Variants in XPO7 observed in about 807,000 individuals in gnomAD.
XPO7 encodes the protein exportin-7.
A neutral mutation model predicts 144.3 loss-of-function variants in XPO7; 21 were observed. The ratio of observed to expected loss-of-function variants is 0.15; its 90% CI spans 0.10 to 0.21. XPO7 has a LOEUF of 0.21. Among genes scored for constraint, XPO7 ranks in the 10% least tolerant of loss-of-function variants. The pLI, the probability that XPO7 is intolerant of heterozygous loss-of-function variation, is 1.00. For missense variants in XPO7, 808 were observed against 1,325.8 expected (o/e 0.61, Z 6.06); for synonymous variants, 580 against 499.6 (o/e 1.16, Z -2.15).
chr8:21,938,804 A>G (rs1810899599), intron 1 of XPO7, among the ~76,000 whole-genome samples: 1 of 152,186 alleles, frequency 6.6e-6, no homozygotes, highest in South Asian at 2.1e-4. Flanking sequence ...TAGAGAACTC[A>G]TGGAGCACTG....
At chr8:21,923,880 T>A (rs980885915) in intron 1 of XPO7, among the ~76,000 whole-genome samples, 7 of 152,246 alleles carry the variant, frequency 4.6e-5, no homozygotes, top group Non-Finnish European at 1.0e-4. Flanking sequence ...GTACAACTAC[T>A]GAGGCTACTT....
At chr8:21,945,773 T>C (rs1811171277) in intron 1 of XPO7, among the ~76,000 whole-genome samples, 1 of 152,242 alleles carries the variant, frequency 6.6e-6, no homozygotes, top group African/African-American at 2.4e-5. Flanking sequence ...AAGTAGATCC[T>C]CTTTAAATTT....
intron 1 of XPO7, among the ~76,000 whole-genome samples, chr8:21,939,501 GT>G (rs1256492203): frequency 6.6e-6 from 1 of 152,174 alleles, no homozygotes; most frequent in African/African-American, 2.4e-5. Context: ...GATTACAGGT[GT>G]GAGCCACCGC....
chr8:21,947,306 G>A (rs939041404), intron 1 of XPO7, among the ~76,000 whole-genome samples: 1 of 152,014 alleles, frequency 6.6e-6, no homozygotes, highest in African/African-American at 2.4e-5. Flanking sequence ...CTTTTTTTTA[G>A]AATATGTGAT....
Position 21,962,941 on chromosome 8 carries a change from T to G in XPO7, c.19-3916T>G, listed in dbSNP as rs183291299. On this transcript the variant is annotated intron_variant, in intron 1 of 27. Coordinates refer to ENST00000252512, the MANE Select transcript of XPO7 (RefSeq NM_015024.5). ...TCTAGGTCCTTAAAATGGTTCATTTTCTGGCAAGGTTCAGTATAAATATTT... is the reference window on the plus strand; with the variant it reads ...TCTAGGTCCTTAAAATGGTTCATTTGCTGGCAAGGTTCAGTATAAATATTT... Among the ~76,000 whole-genome samples the G allele has an allele frequency of 3.2e-3, 493 of 152,344 alleles. 1 individual carries two copies. The highest frequency in any genetic ancestry group is 4.0e-3 in the Non-Finnish European group (272 of 68,032).
chr8:21,972,496 C>G (rs943539391), intron 5 of XPO7, among the ~76,000 whole-genome samples: 18 of 152,168 alleles, frequency 1.2e-4, no homozygotes, highest in African/African-American at 4.1e-4. Context: ...CAAAATACTA[C>G]TGCCTTGCCC....
At chr8:22,004,543 A>G (rs1260375368) in intron 27 of XPO7, among the ~76,000 whole-genome samples, 1 of 152,242 alleles carries the variant, frequency 6.6e-6, no homozygotes, top group Admixed American at 6.5e-5. Flanking sequence ...TTTAAAATTA[A>G]GATGCAGTTG....
chr8:21,956,581 T>C (rs1315897090), intron 1 of XPO7, among the ~76,000 whole-genome samples: 2 of 152,228 alleles, frequency 1.3e-5, no homozygotes, highest in Non-Finnish European at 2.9e-5. Context: ...ACTGGGTCTC[T>C]GATTTTTTTA....
At chr8:21,990,243 A>G (rs1267057386) in intron 16 of XPO7, 101 bp from the exon 17 acceptor site, 5 of 1,186,058 alleles carry the variant, frequency 4.2e-6, no homozygotes, top group Non-Finnish European at 6.2e-6. Flanking sequence ...TTTAAAAAAT[A>G]AGATATTTGG....
intron 1 of XPO7, chr8:21,964,036 G>A (rs370076596): frequency 6.6e-6 from 1 of 152,140 alleles, no homozygotes; most frequent in Admixed American, 6.5e-5. Flanking sequence ...TCTGGTTCTA[G>A]GTTTGGGAAT....
At position 21,990,236 on chromosome 8, in the gene XPO7, A is replaced by G. The variant is rs6557718; in HGVS notation, c.1869-108A>G. ...GCAGTGGTATACTCAAGTATTTTTT[A>G]AAAAATAAGATATTTGGGTGAACTG... is the stretch of plus-strand genomic sequence containing the variant. On this transcript the variant is annotated intron_variant, in intron 16 of 27. Transcript: ENST00000252512. 9.6e-6 allele frequency: 11 copies of G among 1,140,188 alleles called. No homozygotes were observed. The African/African-American group carries it at 1.7e-4, about 18-fold the overall frequency. 70.6% of individuals were successfully genotyped at this position (1,140,188 alleles called of 1,614,324 possible).
chr8:21,989,796 A>G lies in XPO7; in HGVS notation c.1869-548A>G, dbSNP rs1812698875. ...GCTAGGTTTATTCTATTTTCTTACA[A>G]ATAGGAGTTTGGTATAGGTGTTTCC... On this transcript the variant is annotated intron_variant, in intron 16 of 27. Coordinates refer to ENST00000252512, the MANE Select transcript of XPO7 (RefSeq NM_015024.5). 3.6e-5 allele frequency among the ~76,000 whole-genome samples: 4 copies of G among 111,626 alleles called. No individual in the cohort carries two copies. The Admixed American group carries it at 4.1e-4, about 11-fold the overall frequency. 73.2% of individuals were successfully genotyped at this position (111,626 alleles called of 152,430 possible).
At chr8:21,966,101 C>G in intron 1 of XPO7, 1 of 610,690 alleles carries the variant, frequency 1.6e-6, no homozygotes, top group African/African-American at 1.9e-5. Context: ...AAAGCACACA[C>G]CCATACCCCT....
chr8:21,926,546 T>A (rs960231609), intron 1 of XPO7, among the ~76,000 whole-genome samples: 12 of 152,064 alleles, frequency 7.9e-5, no homozygotes, highest in African/African-American at 2.2e-4. Context: ...AAAAATTATT[T>A]CAAAGCTTGT....
At chr8:21,956,126 G>T (rs1811526749) in intron 1 of XPO7, among the ~76,000 whole-genome samples, 1 of 152,136 alleles carries the variant, frequency 6.6e-6, no homozygotes. Context: ...GATTTTTGTG[G>T]CCTTACACCC....
chr8:21,942,102 TAC>T (rs1468393456), intron 1 of XPO7, among the ~76,000 whole-genome samples: 1 of 152,218 alleles, frequency 6.6e-6, no homozygotes, highest in Non-Finnish European at 1.5e-5. Flanking sequence ...CTGGAGAAGA[TAC>T]AAAGGTAGCA....
chr8:21,999,798 C>G, intron 24 of XPO7, 124 bp downstream of exon 24: 1 of 1,253,882 alleles, frequency 8.0e-7, no homozygotes, highest in South Asian at 1.4e-5. Flanking sequence ...TTGGCCATAA[C>G]AATAGAGTAT....
chr8:21,945,654 C>G (rs1045906021), intron 1 of XPO7, among the ~76,000 whole-genome samples: 1 of 152,160 alleles, frequency 6.6e-6, no homozygotes, highest in Non-Finnish European at 1.5e-5. Context: ...AATACATAGT[C>G]GGCCTTACTC....
chr8:21,989,036 A>T lies in XPO7; in HGVS notation c.1821A>T (p.Glu607Asp). Residue 607 changes from glutamate to aspartate, a missense_variant, in exon 16 of 28, where the codon GAA (glutamate) becomes GAT (aspartate). Glu to Asp is a conservative substitution (Grantham distance 45). Coordinates refer to ENST00000252512, the MANE Select transcript of XPO7 (RefSeq NM_015024.5). ...ITNLKYWGRC[E>D]PITSKTLQLL... ...ACTTGAAGTACTGGGGCCGTTGTGA[A>T]CCAATCACCTCCAAGACACTACAGC... 6.2e-7 allele frequency: 1 copy of T among 1,613,726 alleles called. No homozygotes were observed.
Sources: allele counts gnomAD v4.1 joint callset (sites outside exome capture counted in the v4.1 genomes callset), GRCh38; gene constraint gnomAD v4.1.1; transcripts MANE v1.5; gene names NCBI Gene and HGNC (gene_info 2026-07-23, HGNC 2026-07-21).